RHOBTB2: variants seen among roughly 807,000 people sequenced by gnomAD.
RHOBTB2 encodes the protein rho-related BTB domain-containing protein 2.
RHOBTB2 carries 39 observed loss-of-function variants against 66.5 expected under a neutral mutation model. That is an observed-to-expected ratio of 0.59 (90% confidence interval 0.45 to 0.77). RHOBTB2 has a LOEUF of 0.77. Among genes scored for constraint, RHOBTB2 ranks in the 30% least tolerant of loss-of-function variants. The probability of loss-of-function intolerance (pLI) is 0.00; values close to 1 mark genes in which losing one functional copy is unlikely to be tolerated. For missense variants in RHOBTB2, 755 were observed against 999.1 expected, an observed-to-expected ratio of 0.76 and a Z score of 3.29; for synonymous variants, 390 against 395.0, an observed-to-expected ratio of 0.99 and a Z score of 0.15.
the RHOBTB2 span, among the ~76,000 whole-genome samples, chr8:22,962,916 C>T: frequency 6.6e-6 from 1 of 152,326 alleles, no homozygotes; most frequent in East Asian, 1.9e-4. Flanking sequence ...TGGATGGAAG[C>T]CTCATTTGCT....
chr8:23,008,405 G>C (rs1811038076), intron 6 of RHOBTB2, among the ~76,000 whole-genome samples: 1 of 152,132 alleles, frequency 6.6e-6, no homozygotes, highest in African/African-American at 2.4e-5. Flanking sequence ...TCTAGGAAAG[G>C]GAGCCCCTGA....
upstream of RHOBTB2, among the ~76,000 whole-genome samples, chr8:22,997,288 G>A (rs575400375): frequency 2.6e-5 from 4 of 152,104 alleles, no homozygotes; most frequent in South Asian, 2.1e-4. Flanking sequence ...TGATTGGGGC[G>A]CCAACCATGA....
rs892603383 is a variant in RHOBTB2 at position 23,020,111 on chromosome 8, C to T, written c.*2642C>T. On this transcript the variant is annotated 3_prime_UTR_variant, in exon 10 of 10. Coordinates refer to ENST00000251822, the MANE Select transcript of RHOBTB2 (RefSeq NM_015178.3). The stretch of plus-strand genomic sequence containing the variant: ...CACAGGAGGAGGGGAGGTTGGGGGG[C>T]GGGAGACAAAAACCACACCTCTTTT... The T allele has an allele frequency of 1.4e-5, 5 of 370,368 alleles. No individual in the cohort carries two copies. The highest frequency in any genetic ancestry group is 4.1e-5 in the South Asian group (2 of 48,254). 22.9% of individuals were successfully genotyped at this position (370,368 alleles called of 1,614,324 possible).
chr8:22,980,100 A>G, the RHOBTB2 span, among the ~76,000 whole-genome samples: 129,251 of 151,870 alleles, frequency 0.85, 55,105 homozygotes, highest in East Asian at 0.95. Flanking sequence ...ATATGTAGAG[A>G]AGCAAAAAAG....
Position 23,000,078 on chromosome 8 carries a change from TAGA to T in RHOBTB2, c.-35_-33del. 1 of 985,478 alleles carries T rather than the reference TAGA, an allele frequency of 1.0e-6. No individual in the cohort carries two copies. The highest frequency in any genetic ancestry group is 4.7e-5 in the South Asian group (1 of 21,290). The allele number at this position is 985,478 out of a possible 1,614,324, so 61.0% of individuals were successfully genotyped here. ...GCAGGAAGAGATGTGTTCCTCACGC[TAGA>T]AGCCACCCCGTCACATGTAGTGGTG... On this transcript the variant is annotated 5_prime_UTR_variant, in exon 1 of 10. Transcript: ENST00000251822.
rs2058061047 is a variant in RHOBTB2 at position 23,014,745 on chromosome 8, T to C, written c.1827T>C (p.Asp609=). ...CGACCCAGATGATGGTGGACATCGA[T>C]GGGGACGTCCTTGTGTTCCTGGAAC... ...MEATQMMVDI[D]GDVLVFLELA... Residue 609 remains aspartate (D), a synonymous_variant, in exon 8 of 10, where the codon GAT becomes GAC. Coordinates refer to ENST00000251822, the MANE Select transcript of RHOBTB2 (RefSeq NM_015178.3). 9 of 1,613,978 alleles carry C rather than the reference T, an allele frequency of 5.6e-6. No individual in the cohort carries two copies. Among genetic ancestry groups the C allele is most frequent in the Non-Finnish European group, 7.6e-6 (9 of 1,179,970 alleles).
intron 1 of RHOBTB2, among the ~76,000 whole-genome samples, chr8:22,988,261 G>A (rs2013225): frequency 0.13 from 19,789 of 147,618 alleles, 1,692 homozygotes; most frequent in South Asian, 0.26. Context: ...CCGAATTCAA[G>A]TGATTCTCCT....
upstream of RHOBTB2, among the ~76,000 whole-genome samples, chr8:22,983,355 A>C (rs964654147): frequency 3.9e-5 from 6 of 151,902 alleles, no homozygotes; most frequent in Non-Finnish European, 8.8e-5. Flanking sequence ...AAAAAACAAA[A>C]AAGAAGAAGA....
chr8:22,963,329 T>C, the RHOBTB2 span, among the ~76,000 whole-genome samples: 1 of 152,224 alleles, frequency 6.6e-6, no homozygotes, highest in Non-Finnish European at 1.5e-5. Flanking sequence ...TGGGCTGTCC[T>C]GAACTAAGTA....
At position 23,017,379 on chromosome 8, in the gene RHOBTB2, A is replaced by G. The variant is rs759652; in HGVS notation, c.2094A>G (p.Lys698=). ...EDYLHLKRQP[K]RRWLFWNSPS... The stretch of plus-strand genomic sequence containing the variant: ...ACCTCCACCTCAAGCGGCAGCCCAA[A>G]CGGCGTTGGCTCTTCTGGAACAGTC... Residue 698 remains lysine (K), a synonymous_variant, in exon 10 of 10, where the codon AAA becomes AAG. Coordinates refer to ENST00000251822, the MANE Select transcript of RHOBTB2 (RefSeq NM_015178.3). This position sits in a 1 kb window ranked among gnomAD's most constrained non-coding sequence, Gnocchi z 5.3. The G allele has an allele frequency of 6.5e-3, 10,454 of 1,614,016 alleles. 504 individuals carry two copies. In the African/African-American group the frequency reaches 0.11, roughly 17 times the overall value.
At chr8:22,991,231 C>T (rs1238581094) in intron 1 of RHOBTB2, among the ~76,000 whole-genome samples, 1 of 152,108 alleles carries the variant, frequency 6.6e-6, no homozygotes, top group South Asian at 2.1e-4. Flanking sequence ...AACTTCTGGC[C>T]GGCTTTCCCT....
chr8:22,958,801 T>TAAAA, the RHOBTB2 span, among the ~76,000 whole-genome samples: 3 of 2,778 alleles, frequency 1.1e-3, no homozygotes, highest in Non-Finnish European at 1.5e-3. Flanking sequence ...AGCCCCTCTC[T>TAAAA]GAAAAAAAAA....
At chr8:22,979,119 T>C in the RHOBTB2 span, among the ~76,000 whole-genome samples, 1 of 152,226 alleles carries the variant, frequency 6.6e-6, no homozygotes, top group Non-Finnish European at 1.5e-5. Flanking sequence ...AAAATACTGT[T>C]CTTACCCTAA....
rs534393882 is a variant in RHOBTB2 at position 23,018,163 on chromosome 8, T to A, written c.*694T>A. The A allele has an allele frequency of 2.6e-5, 4 of 152,464 alleles. No homozygotes were observed. The highest frequency in any genetic ancestry group is 4.1e-4 in the South Asian group (2 of 4,826). 9.4% of individuals were successfully genotyped at this position (152,464 alleles called of 1,614,324 possible). A position where few individuals can be genotyped will look rare whatever the true frequency, so the allele number is the denominator to read the frequency against. On this transcript the variant is annotated 3_prime_UTR_variant, in exon 10 of 10. Transcript: ENST00000251822. The stretch of plus-strand genomic sequence containing the variant: ...CAGGCCTGGAAGCAGTGCCTCTTGG[T>A]GCAACAAGAAACTTCTCCCTCACCC...
upstream of RHOBTB2, among the ~76,000 whole-genome samples, chr8:22,986,392 G>C (rs1005839081): frequency 6.6e-6 from 1 of 150,568 alleles, no homozygotes; most frequent in Non-Finnish European, 1.5e-5. Flanking sequence ...TCAGCCTCCT[G>C]GATAACTGGG....
the RHOBTB2 span, among the ~76,000 whole-genome samples, chr8:22,955,345 TC>T: frequency 2.6e-5 from 4 of 152,070 alleles, no homozygotes; most frequent in African/African-American, 7.2e-5. Flanking sequence ...AGCACTTGCA[TC>T]CCAAACCATT....
chr8:23,010,116 C>T (rs950146000), intron 6 of RHOBTB2, among the ~76,000 whole-genome samples: 2 of 152,112 alleles, frequency 1.3e-5, no homozygotes, highest in Non-Finnish European at 2.9e-5. Context: ...GCAAGAGCGG[C>T]TTCCAAAGGG....
chr8:22,978,508 C>A, the RHOBTB2 span, among the ~76,000 whole-genome samples: 3,271 of 142,624 alleles, frequency 0.023, 46 homozygotes, highest in Middle Eastern at 0.05. Flanking sequence ...AACAAAAAAA[C>A]AAAAAAAACC....
the RHOBTB2 span, among the ~76,000 whole-genome samples, chr8:22,978,588 GT>G: frequency 7.6e-5 from 11 of 144,418 alleles, no homozygotes; most frequent in South Asian, 2.2e-4. Context: ...TTTTTTTTTA[GT>G]TTTTTTTATG....
Sources: gnomAD v4.1 joint callset for allele counts (sites outside exome capture counted in the v4.1 genomes callset) on GRCh38, gnomAD v4.1.1 for gene constraint, Gnocchi (gnomAD v3.1) non-coding constraint, MANE v1.5 for transcripts, NCBI Gene and HGNC (gene_info 2026-07-23, HGNC 2026-07-21) for gene names.